CEP128: variants seen among roughly 807,000 people sequenced by gnomAD.
CEP128 encodes the protein centrosomal protein 128.
In CEP128, 132 loss-of-function variants were observed where a neutral mutation model predicts 156.7. The ratio of observed to expected loss-of-function variants is 0.84; its 90% CI spans 0.73 to 0.97. The LOEUF is 0.97. Among genes scored for constraint, CEP128 ranks in the 50% least tolerant of loss-of-function variants. The pLI is 0.00. For synonymous variants in CEP128, 469 were observed against 448.9 expected (o/e 1.04, Z -0.57); for missense variants, 1,252 against 1,281.9 (o/e 0.98, Z 0.36).
intron 19 of CEP128, among the ~76,000 whole-genome samples, chr14:80,651,294 G>A (rs1216902631): frequency 6.6e-6 from 1 of 151,902 alleles, no homozygotes. Context: ...GCATCTATAT[G>A]GTTCTTCTCT....
chr14:80,577,463 C>A (rs759762745), intron 20 of CEP128, among the ~76,000 whole-genome samples: 13 of 152,116 alleles, frequency 8.5e-5, no homozygotes, highest in Non-Finnish European at 1.8e-4. Flanking sequence ...AATCGAGAAA[C>A]ACAAGAATCA....
rs144706923 is a variant in CEP128 at position 80,926,632 on chromosome 14, A to C, written c.-15-10070T>G. Among the ~76,000 whole-genome samples, 1,004 of 152,254 alleles carry C rather than the reference A, an allele frequency of 6.6e-3. 16 individuals are homozygous for C. Among genetic ancestry groups the C allele is most frequent in the African/African-American group, 0.023 (958 of 41,544 alleles). On this transcript the variant is annotated intron_variant, in intron 2 of 24. Transcript: ENST00000555265. ...GCTCCATGGCCCCACCCATTGCCTGAGACACTAGAATACCTCCCCTGGGTA... is the reference window on the plus strand; with the variant it reads ...GCTCCATGGCCCCACCCATTGCCTGCGACACTAGAATACCTCCCCTGGGTA...
At chr14:80,831,587 TC>T (rs1471350014) in intron 12 of CEP128, among the ~76,000 whole-genome samples, 1 of 147,408 alleles carries the variant, frequency 6.8e-6, no homozygotes, top group Non-Finnish European at 1.5e-5. Flanking sequence ...TTTCCTCACA[TC>T]TCTACACTAT....
At chr14:80,729,058 G>GGGGGTGTGT (rs1898141728) in intron 19 of CEP128, among the ~76,000 whole-genome samples, 10 of 105,054 alleles carry the variant, frequency 9.5e-5, no homozygotes, top group African/African-American at 5.0e-4. Context: ...GGCTGGTGGG[G>GGGGGTGTGT]GTGTGTGTGT....
intron 2 of CEP128, 70 bp from the exon 3 acceptor site, chr14:80,916,632 G>C: frequency 1.6e-6 from 2 of 1,217,518 alleles, no homozygotes; most frequent in Non-Finnish European, 2.3e-6. Context: ...TAATACAACA[G>C]TTTACTTTTG....
intron 16 of CEP128, among the ~76,000 whole-genome samples, chr14:80,776,258 A>T (rs1363725550): frequency 6.6e-6 from 1 of 152,100 alleles, no homozygotes; most frequent in African/African-American, 2.4e-5. Flanking sequence ...TATTTTGAAA[A>T]AGTTGAAAAA....
chr14:80,623,322 A>C (rs1462588724), intron 19 of CEP128, among the ~76,000 whole-genome samples: 24 of 89,922 alleles, frequency 2.7e-4, no homozygotes, highest in East Asian at 1.5e-3. Flanking sequence ...GGTGGGGGGA[A>C]GGGGGAGGGA....
At chr14:80,867,052 G>A (rs934648117) in intron 8 of CEP128, among the ~76,000 whole-genome samples, 1 of 152,034 alleles carries the variant, frequency 6.6e-6, no homozygotes, top group Non-Finnish European at 1.5e-5. Context: ...TTACTAAGTT[G>A]AGAGTTTCAC....
rs986343703 is a variant in CEP128 at position 80,762,824 on chromosome 14, C to A, written c.2377-1211G>T. 2.0e-5 allele frequency among the ~76,000 whole-genome samples: 3 copies of A among 152,144 alleles called. No homozygotes were observed. In the South Asian group the frequency reaches 6.2e-4, roughly 32 times the overall value. On this transcript the variant is annotated intron_variant, in intron 16 of 24. Transcript: ENST00000555265. ...GCTGGTAGCCAAGAGACATTTATCT[C>A]CAGGAGTTCATCTTAGTCCATCATC...
At chr14:80,831,368 C>A in intron 12 of CEP128, 74 bp from the exon 13 acceptor site, 2 of 1,424,312 alleles carry the variant, frequency 1.4e-6, no homozygotes, top group South Asian at 1.3e-5. Flanking sequence ...TAGTACTGAG[C>A]CCTGATGTTT....
At chr14:80,561,733 T>C (rs1395939556) in intron 20 of CEP128, among the ~76,000 whole-genome samples, 1 of 152,094 alleles carries the variant, frequency 6.6e-6, no homozygotes, top group African/African-American at 2.4e-5. Flanking sequence ...TCTGTCCTAA[T>C]TCATATCTTA....
intron 19 of CEP128, among the ~76,000 whole-genome samples, chr14:80,596,363 G>T (rs1892319622): frequency 6.6e-6 from 1 of 151,940 alleles, no homozygotes; most frequent in Admixed American, 6.6e-5. Flanking sequence ...CTCAAAAATT[G>T]ACAGAAAAAC....
At chr14:80,509,321 CT>C (rs1372957197) in intron 23 of CEP128, among the ~76,000 whole-genome samples, 9 of 152,084 alleles carry the variant, frequency 5.9e-5, no homozygotes, top group African/African-American at 1.9e-4. Flanking sequence ...TATTGCCTGT[CT>C]TTTGGGTTAA....
chr14:80,624,481 A>G (rs1252959658), intron 19 of CEP128, among the ~76,000 whole-genome samples: 1 of 152,028 alleles, frequency 6.6e-6, no homozygotes, highest in Non-Finnish European at 1.5e-5. Flanking sequence ...TTCAATTTTT[A>G]GTTTTTTTGT....
intron 8 of CEP128, among the ~76,000 whole-genome samples, chr14:80,891,709 G>T (rs1889109987): frequency 6.6e-6 from 1 of 151,820 alleles, no homozygotes; most frequent in African/African-American, 2.4e-5. Flanking sequence ...TGAATTGTTT[G>T]TAACAAAGAA....
At chr14:80,539,443 G>A (rs972081550) in intron 21 of CEP128, among the ~76,000 whole-genome samples, 1 of 152,146 alleles carries the variant, frequency 6.6e-6, no homozygotes, top group Non-Finnish European at 1.5e-5. Flanking sequence ...AAGATTTCAA[G>A]GACATTTATC....
intron 8 of CEP128, among the ~76,000 whole-genome samples, chr14:80,878,014 G>A (rs991580486): frequency 2.0e-5 from 3 of 152,202 alleles, no homozygotes; most frequent in South Asian, 4.2e-4. Flanking sequence ...TGGCACAGCC[G>A]AGGTAGTGCT....
intron 20 of CEP128, among the ~76,000 whole-genome samples, chr14:80,577,614 C>T (rs111613281): frequency 5.9e-5 from 9 of 152,222 alleles, no homozygotes; most frequent in South Asian, 2.1e-4. Context: ...CATCTCTTGC[C>T]GAGAGTCTCA....
intron 2 of CEP128, among the ~76,000 whole-genome samples, chr14:80,929,929 G>A (rs1313495390): frequency 6.6e-6 from 1 of 152,208 alleles, no homozygotes; most frequent in Non-Finnish European, 1.5e-5. Flanking sequence ...ATGCAGAGCA[G>A]CAGGTGAACA....
Sources: gnomAD v4.1 joint callset for allele counts (sites outside exome capture counted in the v4.1 genomes callset) on GRCh38, gnomAD v4.1.1 for gene constraint, MANE v1.5 for transcripts, NCBI Gene and HGNC (gene_info 2026-07-23, HGNC 2026-07-21) for gene names.